Variants in ZNF100 observed in about 807,000 individuals in gnomAD.
The protein encoded by ZNF100 is zinc finger protein 100, also known as zinc finger protein 100 (Y1).
In ZNF100, 12 loss-of-function variants were observed where a neutral mutation model predicts 15.8. The observed-to-expected ratio is 0.76, with a 90% confidence interval of 0.49 to 1.23. The LOEUF is 1.23. ZNF100 is among the 50% of genes most tolerant of loss of function. The pLI is 0.00. For synonymous variants in ZNF100, 226 were observed against 214.8 expected (o/e 1.05, Z -0.45); for missense variants, 670 against 635.6 (o/e 1.05, Z -0.58).
At position 21,726,774 on chromosome 19, in the gene ZNF100, T is replaced by C. The variant is rs1327712396; in HGVS notation, c.1538A>G (p.Tyr513Cys). 6.2e-7 allele frequency: 1 copy of C among 1,613,828 alleles called. No individual in the cohort carries two copies. The highest frequency in any genetic ancestry group is 1.7e-5 in the Admixed American group (1 of 60,000). The change falls in exon 5 of 5, where the codon TAC becomes TGC. Residue 513 changes from tyrosine (Y) to cysteine (C), a missense_variant. Transcript: ENST00000358296. ...HKITHTGEKS[Y>C]KWEECGKDFN... Reference sequence around the variant, plus strand: ...GTCTTTACCACATTCTTCCCATTTGTAAGATTTCTCTCCAGTATGAGTTAT... The same window carrying C: ...GTCTTTACCACATTCTTCCCATTTGCAAGATTTCTCTCCAGTATGAGTTAT...
intron 4 of ZNF100, among the ~76,000 whole-genome samples, chr19:21,735,590 A>G (rs1599382388): frequency 6.6e-6 from 1 of 152,202 alleles, no homozygotes; most frequent in East Asian, 1.9e-4. Flanking sequence ...CCCATCTCAC[A>G]TGCAACGACA....
chr19:21,746,106 G>T (rs2036208209), intron 2 of ZNF100, among the ~76,000 whole-genome samples: 1 of 152,234 alleles, frequency 6.6e-6, no homozygotes, highest in African/African-American at 2.4e-5. Flanking sequence ...AAATATCAGA[G>T]AGCTTTTTAA....
intron 2 of ZNF100, among the ~76,000 whole-genome samples, chr19:21,749,781 C>G (rs763011322): frequency 1.3e-5 from 2 of 152,160 alleles, no homozygotes; most frequent in Non-Finnish European, 2.9e-5. Flanking sequence ...TGAAGAGCCA[C>G]ACTCTCAAAT....
At chr19:21,737,497 C>T (rs1019269038) in intron 4 of ZNF100, among the ~76,000 whole-genome samples, 6 of 149,816 alleles carry the variant, frequency 4.0e-5, no homozygotes, top group South Asian at 4.2e-4. Context: ...ATTGCACCAT[C>T]ACACTCCAGC....
At chr19:21,744,326 G>A (rs2036173577) in intron 3 of ZNF100, among the ~76,000 whole-genome samples, 2 of 152,100 alleles carry the variant, frequency 1.3e-5, no homozygotes. Context: ...AAAATTGGTG[G>A]TGATGAATGG....
intron 2 of ZNF100, among the ~76,000 whole-genome samples, chr19:21,761,255 T>C (rs1055920087): frequency 1.3e-4 from 20 of 152,210 alleles, no homozygotes; most frequent in Non-Finnish European, 2.2e-4. Flanking sequence ...CTTTTAACAA[T>C]TGAGTAAAGT....
intron 4 of ZNF100, among the ~76,000 whole-genome samples, chr19:21,741,857 T>C (rs1466230321): frequency 6.6e-6 from 1 of 152,010 alleles, no homozygotes; most frequent in Non-Finnish European, 1.5e-5. Context: ...TTAAATAATT[T>C]TGTGGAAAGG....
rs756670527 is a variant in ZNF100, at chr19:21,744,895, A to C, written c.223+46T>G. Reference sequence around the variant, plus strand: ...CAAAAATCATTCCACAAAAAAAGAGAAACCTTTACGGTATATTAGAAATTG... The same window carrying C: ...CAAAAATCATTCCACAAAAAAAGAGCAACCTTTACGGTATATTAGAAATTG... On this transcript the variant is annotated intron_variant, in intron 3 of 4. Coordinates refer to ENST00000358296, the MANE Select transcript of ZNF100 (RefSeq NM_173531.4). 8 of 1,581,522 alleles carry C rather than the reference A, an allele frequency of 5.1e-6. No individual in the cohort carries two copies. The African/African-American group carries it at 9.6e-5, about 19-fold the overall frequency.
chr19:21,759,299 G>C (rs969918276), intron 2 of ZNF100, among the ~76,000 whole-genome samples: 1 of 152,054 alleles, frequency 6.6e-6, no homozygotes, highest in Admixed American at 6.5e-5. Flanking sequence ...GAAATGTATA[G>C]AACAAAAAGA....
intron 4 of ZNF100, among the ~76,000 whole-genome samples, 198 bp from the exon 5 acceptor site, chr19:21,728,187 G>A (rs758142847): frequency 6.6e-6 from 1 of 150,882 alleles, no homozygotes; most frequent in Non-Finnish European, 1.5e-5. Flanking sequence ...TGAGTTAAGT[G>A]TGTGAAGTGC....
chr19:21,726,968 C>T lies in ZNF100; in HGVS notation c.1344G>A (p.Lys448=). The change falls in exon 5 of 5, where the codon AAG becomes AAA. Residue 448 remains lysine, a synonymous_variant. Coordinates refer to ENST00000358296, the MANE Select transcript of ZNF100 (RefSeq NM_173531.4). ...AGGGTTTCTCTCCAGTATGAATCAT[C>T]TTATGGGTAGTAAGGTTTGAGGACT... The part of the protein sequence containing the change: ...FNESSNLTTH[K]MIHTGEKPYK... The T allele has an allele frequency of 6.2e-7, 1 of 1,610,988 alleles. No homozygotes were observed. The highest frequency in any genetic ancestry group is 1.1e-5 in the South Asian group (1 of 90,440).
At position 21,754,124 on chromosome 19, in the gene ZNF100, T is replaced by A. The variant is rs148441340; in HGVS notation, c.97-9057A>T. Among the ~76,000 whole-genome samples, 1,089 of 152,214 alleles carry A rather than the reference T, an allele frequency of 7.2e-3. 14 individuals are homozygous for A. The highest frequency in any genetic ancestry group is 0.025 in the African/African-American group (1,053 of 41,538). Reference sequence around the variant, plus strand: ...AAAGCATTCCTGGGCCAGGAATACTTCCTCTACTATAGCAATATTTCACAT... The same window carrying A: ...AAAGCATTCCTGGGCCAGGAATACTACCTCTACTATAGCAATATTTCACAT... On this transcript the variant is annotated intron_variant, in intron 2 of 4. Transcript: ENST00000358296.
intron 2 of ZNF100, among the ~76,000 whole-genome samples, chr19:21,761,533 T>G (rs1484759799): frequency 1.3e-5 from 2 of 152,170 alleles, no homozygotes; most frequent in African/African-American, 4.8e-5. Flanking sequence ...TGGCTAGCGG[T>G]AAATAAAAAA....
rs2035798460 is a variant in ZNF100 at position 21,726,832 on chromosome 19, A to C, written c.1480T>G (p.Phe494Val). 6.2e-7 allele frequency: 1 copy of C among 1,613,492 alleles called. No individual in the cohort carries two copies. The highest frequency in any genetic ancestry group is 1.1e-5 in the South Asian group (1 of 90,914). ...TTAGTAAGGGTTGAGGATCGGTTAAAAGCTTTGCCACATTCCTCACATTTG... is the reference window on the plus strand; with the variant it reads ...TTAGTAAGGGTTGAGGATCGGTTAACAGCTTTGCCACATTCCTCACATTTG... ...PYKCEECGKAFNRSSTLTKHK... is the reference protein window; with the variant it reads ...PYKCEECGKAVNRSSTLTKHK... The change falls in exon 5 of 5, where the codon TTT (phenylalanine) becomes GTT (valine). Residue 494 changes from phenylalanine (F) to valine (V), a missense_variant. Transcript: ENST00000358296.
At chr19:21,729,812 A>G (rs893624393) in intron 4 of ZNF100, among the ~76,000 whole-genome samples, 1 of 152,216 alleles carries the variant, frequency 6.6e-6, no homozygotes, top group East Asian at 1.9e-4. Context: ...TACAACATAA[A>G]AAGATATAAT....
At chr19:21,740,657 C>G (rs1599386830) in intron 4 of ZNF100, among the ~76,000 whole-genome samples, 2 of 152,072 alleles carry the variant, frequency 1.3e-5, no homozygotes, top group African/African-American at 4.8e-5. Context: ...GAGTTGAAGA[C>G]CAGCCTGACC....
chr19:21,743,594 A>G (rs1186903986), intron 4 of ZNF100, among the ~76,000 whole-genome samples: 1 of 150,476 alleles, frequency 6.6e-6, no homozygotes, highest in Non-Finnish European at 1.5e-5. Context: ...ACAACGGAAC[A>G]GAAAACACTA....
Position 21,727,026 on chromosome 19 carries a change from T to C in ZNF100, c.1286A>G (p.Tyr429Cys), listed in dbSNP as rs185406570. 350 of 1,613,998 alleles carry C rather than the reference T, an allele frequency of 2.2e-4. No homozygotes were observed. The Middle Eastern group carries it at 3.3e-3, about 15-fold the overall frequency. The change falls in exon 5 of 5, where the codon TAC becomes TGC. Residue 429 changes from tyrosine (Y) to cysteine (C), a missense_variant. Coordinates refer to ENST00000358296, the MANE Select transcript of ZNF100 (RefSeq NM_173531.4). The stretch of plus-strand genomic sequence containing the variant: ...AGCTTTGCCACATTCTTCACATTTG[T>C]AGGGTTTCTCTCCAGTATGAATTCT... The part of the protein sequence containing the change: ...HKRIHTGEKP[Y>C]KCEECGKAFN...
In ZNF100 at chr19:21,728,652, T is replaced by TTCAGACTA. The variant is rs1233186660; in HGVS notation, c.323-671_323-664dup. Reference sequence around the variant, plus strand: ...CCAGAATCTCTAACCAAGACGATTGTTCAGACTATGCCAGGACAAAGCTAC... The same window carrying TTCAGACTA: ...CCAGAATCTCTAACCAAGACGATTGTTCAGACTATCAGACTATGCCAGGACAAAGCTAC... On this transcript the variant is annotated intron_variant, in intron 4 of 4. Coordinates refer to ENST00000358296, the MANE Select transcript of ZNF100 (RefSeq NM_173531.4). Among the ~76,000 whole-genome samples, 8 of 152,014 alleles carry TTCAGACTA rather than the reference T, an allele frequency of 5.3e-5. No individual in the cohort carries two copies. The East Asian group carries it at 1.5e-3, about 29-fold the overall frequency.
Sources: gnomAD v4.1 joint callset for allele counts (sites outside exome capture counted in the v4.1 genomes callset) on GRCh38, gnomAD v4.1.1 for gene constraint, MANE v1.5 for transcripts, NCBI Gene and HGNC (gene_info 2026-07-23, HGNC 2026-07-21) for gene names.